Variants in P2RY8 observed in about 807,000 individuals in gnomAD.
P2RY8 encodes S-geranylgeranyl-glutathione receptor P2RY8.
A neutral mutation model predicts 10.0 loss-of-function variants in P2RY8; 6 were observed. The observed-to-expected ratio is 0.60, with a 90% CI of 0.33 to 1.19. The LOEUF is 1.19. P2RY8 is among the 50% of genes most tolerant of loss of function. P2RY8 has a pLI of 0.04. For synonymous variants in P2RY8, 276 were observed against 252.5 expected, an observed-to-expected ratio of 1.09 and a Z score of -0.88; for missense variants, 456 against 542.0, an observed-to-expected ratio of 0.84 and a Z score of 1.58.
chrX:1,472,544 T>G, intron 1 of P2RY8, among the ~76,000 whole-genome samples: 1 of 121,064 alleles, frequency 8.3e-6, no homozygotes, highest in African/African-American at 3.3e-5. Context: ...GGATGAATGG[T>G]AGGTGGGTTT....
At chrX:1,504,360 C>G (rs1387158252) in intron 1 of P2RY8, among the ~76,000 whole-genome samples, 5 of 152,162 alleles carry the variant, frequency 3.3e-5, no homozygotes, top group African/African-American at 4.8e-5. Context: ...TCTTTGCCCC[C>G]CTTGAAGCTT....
chrX:1,524,155 G>A (rs1321830356), intron 1 of P2RY8, among the ~76,000 whole-genome samples: 2 of 152,156 alleles, frequency 1.3e-5, no homozygotes, highest in Non-Finnish European at 2.9e-5. Context: ...CGATGGGGTA[G>A]AATTGGGTCT....
rs140352807 is a variant in P2RY8 at position 1,529,639 on chromosome X, G to A, written c.-25+7282C>T. On this transcript the variant is annotated intron_variant, in intron 1 of 1. Coordinates refer to ENST00000381297, the MANE Select transcript of P2RY8 (RefSeq NM_178129.5). ...AGGCTGACACCCTGCCTGAGCATGA[G>A]AGAGTCTCTGTTAGTGACTATCTAT... Among the ~76,000 whole-genome samples the A allele has an allele frequency of 2.2e-3, 335 of 152,156 alleles. 3 individuals carry two copies. Among genetic ancestry groups the A allele is most frequent in the African/African-American group, 7.5e-3 (310 of 41,520 alleles).
chrX:1,518,882 T>G (rs1214042454), intron 1 of P2RY8, among the ~76,000 whole-genome samples: 1 of 152,128 alleles, frequency 6.6e-6, no homozygotes, highest in East Asian at 1.9e-4. Flanking sequence ...CCCAATATTT[T>G]ATCTGGTCTG....
chrX:1,508,928 A>G (rs1332000482), intron 1 of P2RY8, among the ~76,000 whole-genome samples: 21 of 97,208 alleles, frequency 2.2e-4, no homozygotes, highest in Admixed American at 3.8e-4. Context: ...CATTGTATCT[A>G]TCATGTATCT....
At position 1,504,248 on chromosome X, in the gene P2RY8, G is replaced by A. The variant is rs754278790; in HGVS notation, c.-25+32673C>T. ...GGAGAATCGCTGGAACCCGGGAGGC[G>A]GAGGTTGCGGTGAGCCGAGATGGCG... On this transcript the variant is annotated intron_variant, in intron 1 of 1. Coordinates refer to ENST00000381297, the MANE Select transcript of P2RY8 (RefSeq NM_178129.5). Among the ~76,000 whole-genome samples, 204 of 151,466 alleles carry A rather than the reference G, an allele frequency of 1.3e-3. 1 individual carries two copies. The highest frequency in any genetic ancestry group is 4.8e-3 in the African/African-American group (197 of 41,256).
chrX:1,507,089 G>C (rs1220837845), intron 1 of P2RY8, among the ~76,000 whole-genome samples: 1 of 65,676 alleles, frequency 1.5e-5, no homozygotes, highest in Non-Finnish European at 3.9e-5. Flanking sequence ...AAGTCTCAAG[G>C]TATCAGGTCC....
intron 1 of P2RY8, among the ~76,000 whole-genome samples, chrX:1,522,844 G>T (rs1472972473): frequency 6.6e-6 from 1 of 151,572 alleles, no homozygotes; most frequent in Admixed American, 6.6e-5. Flanking sequence ...TAAGACAGGC[G>T]GATCACTCGA....
At chrX:1,468,730 CCTCT>C (rs1291078155) in intron 1 of P2RY8, among the ~76,000 whole-genome samples, 1 of 83,886 alleles carries the variant, frequency 1.2e-5, no homozygotes, top group Non-Finnish European at 2.6e-5. Flanking sequence ...ACCCTCCTCT[CCTCT>C]CTCCTCTCTC....
chrX:1,481,320 C>T (rs1267038138), intron 1 of P2RY8, among the ~76,000 whole-genome samples: 5 of 152,148 alleles, frequency 3.3e-5, no homozygotes, highest in African/African-American at 7.2e-5. Flanking sequence ...CCTGCCACCA[C>T]GCCTGGCTAA....
rs767975354 is a variant in P2RY8, at chrX:1,537,139, G to A, written c.-243C>T. On this transcript the variant is annotated 5_prime_UTR_variant, in exon 1 of 2. Coordinates refer to ENST00000381297, the MANE Select transcript of P2RY8 (RefSeq NM_178129.5). ...ATCTGTCCAGCAACCTTGCAAAGGC[G>A]GCCGCTTCGCTGGGTGGCCCACCGG... 85 of 232,746 alleles carry A rather than the reference G, an allele frequency of 3.7e-4. No homozygotes were observed. The East Asian group carries it at 3.8e-3, about 10-fold the overall frequency. 14.4% of individuals were successfully genotyped at this position (232,746 alleles called of 1,614,324 possible).
At chrX:1,474,770 GA>G in intron 1 of P2RY8, among the ~76,000 whole-genome samples, 3 of 147,734 alleles carry the variant, frequency 2.0e-5, no homozygotes, top group African/African-American at 7.6e-5. Context: ...ATGAATGGAT[GA>G]GGATGGGTAG....
At chrX:1,524,693 C>T (rs1285339627) in intron 1 of P2RY8, among the ~76,000 whole-genome samples, 1 of 124,032 alleles carries the variant, frequency 8.1e-6, no homozygotes, top group Non-Finnish European at 1.8e-5. Flanking sequence ...ATCCATCCAT[C>T]CATCCATCCA....
At chrX:1,496,686 G>T (rs2092119872) in intron 1 of P2RY8, among the ~76,000 whole-genome samples, 1 of 150,716 alleles carries the variant, frequency 6.6e-6, no homozygotes, top group Admixed American at 6.6e-5. Flanking sequence ...CTTCCTGGGA[G>T]TTTTTTTTCT....
intron 1 of P2RY8, among the ~76,000 whole-genome samples, chrX:1,487,317 C>A (rs2091995831): frequency 6.6e-6 from 1 of 152,186 alleles, no homozygotes; most frequent in South Asian, 2.1e-4. Flanking sequence ...GTGCTTGAGT[C>A]CTCAGGTGAC....
At chrX:1,524,680 T>C (rs2092424446) in intron 1 of P2RY8, among the ~76,000 whole-genome samples, 1 of 118,178 alleles carries the variant, frequency 8.5e-6, no homozygotes. Context: ...CATCCATCCA[T>C]CCATCCATCC....
rs770423306 is a variant in P2RY8 at position 1,502,479 on chromosome X, C to T, written c.-25+34442G>A. On this transcript the variant is annotated intron_variant, in intron 1 of 1. Coordinates refer to ENST00000381297, the MANE Select transcript of P2RY8 (RefSeq NM_178129.5). ...CTCTCTGGGGACCCTGTTTGCCTCC[C>T]GGCAACACGCTTTGCCGAAGAGCCC... Among the ~76,000 whole-genome samples, 64 of 152,170 alleles carry T rather than the reference C, an allele frequency of 4.2e-4. 1 individual carries two copies. In the South Asian group the frequency reaches 0.012, roughly 29 times the overall value.
intron 1 of P2RY8, among the ~76,000 whole-genome samples, chrX:1,484,321 C>G (rs1214320197): frequency 1.3e-5 from 2 of 152,114 alleles, no homozygotes; most frequent in African/African-American, 4.8e-5. Context: ...TAGACAGAGA[C>G]TCATTTCTTT....
At chrX:1,473,231 G>A (rs2091818187) in intron 1 of P2RY8, among the ~76,000 whole-genome samples, 2 of 151,198 alleles carry the variant, frequency 1.3e-5, no homozygotes, top group South Asian at 4.2e-4. Flanking sequence ...ATGGATAGAT[G>A]AGTAGGTAGA....
Sources: gnomAD v4.1 joint callset for allele counts (sites outside exome capture counted in the v4.1 genomes callset) on GRCh38, gnomAD v4.1.1 for gene constraint, MANE v1.5 for transcripts, NCBI Gene and HGNC (gene_info 2026-07-23, HGNC 2026-07-21) for gene names.